Variants in SLC4A5 observed in about 807,000 individuals in gnomAD.
SLC4A5 encodes solute carrier family 4 member 5.
In SLC4A5, 96 loss-of-function variants were observed where a neutral mutation model predicts 120.4. The observed-to-expected ratio is 0.80, with a 90% CI of 0.68 to 0.94. The LOEUF (loss-of-function observed/expected upper bound fraction) is 0.94. SLC4A5 is among the 40% of genes least tolerant of loss of function. The probability of loss-of-function intolerance (pLI) is 0.00; values close to 1 mark genes in which losing one functional copy is unlikely to be tolerated. For synonymous variants in SLC4A5, 550 were observed against 571.1 expected, an observed-to-expected ratio of 0.96 and a Z score of 0.53; for missense variants, 1,259 against 1,459.5, an observed-to-expected ratio of 0.86 and a Z score of 2.24.
At chr2:74,245,944 G>T (rs1428887130) in intron 19 of SLC4A5, among the ~76,000 whole-genome samples, 1 of 152,150 alleles carries the variant, frequency 6.6e-6, no homozygotes, top group Non-Finnish European at 1.5e-5. Context: ...CTCTTTTACA[G>T]CCAGGGAAAC....
At chr2:74,307,331 G>A (rs1160117287) in intron 6 of SLC4A5, 3 of 577,034 alleles carry the variant, frequency 5.2e-6, no homozygotes. Context: ...ACCCAGAGCT[G>A]GTAATCTGGG....
intron 7 of SLC4A5, among the ~76,000 whole-genome samples, chr2:74,289,782 C>A (rs1390018048): frequency 6.6e-6 from 1 of 151,974 alleles, no homozygotes; most frequent in Admixed American, 6.6e-5. Context: ...TTCTGAGGGG[C>A]CATACCAATT....
intron 7 of SLC4A5, among the ~76,000 whole-genome samples, chr2:74,291,674 T>C (rs1446261565): frequency 6.6e-6 from 1 of 152,234 alleles, no homozygotes; most frequent in African/African-American, 2.4e-5. Flanking sequence ...TTGCTATGTT[T>C]TGCAAGGCTG....
intron 14 of SLC4A5, 121 bp downstream of exon 14, chr2:74,254,498 G>T: frequency 1.3e-6 from 1 of 748,880 alleles, no homozygotes; most frequent in Non-Finnish European, 2.4e-6. Flanking sequence ...AGCATCCTAT[G>T]TAGTGCCTGG....
At chr2:74,296,421 C>A (rs1672327918) in intron 7 of SLC4A5, among the ~76,000 whole-genome samples, 1 of 151,866 alleles carries the variant, frequency 6.6e-6, no homozygotes, top group African/African-American at 2.4e-5. Flanking sequence ...ATTAAGTAGA[C>A]AAAGGTGAGG....
chr2:74,333,823 C>A (rs1673423113), intron 4 of SLC4A5, among the ~76,000 whole-genome samples: 1 of 152,202 alleles, frequency 6.6e-6, no homozygotes, highest in African/African-American at 2.4e-5. Context: ...CTGGGTTTGA[C>A]ATCTGAAAGG....
intron 8 of SLC4A5, among the ~76,000 whole-genome samples, chr2:74,271,132 C>G (rs1358489467): frequency 2.0e-5 from 3 of 152,170 alleles, no homozygotes; most frequent in African/African-American, 7.2e-5. Flanking sequence ...TTCTAATAAG[C>G]TCCTAGGTGT....
chr2:74,239,244 GAGTCCA>G, intron 21 of SLC4A5, 85 bp downstream of exon 21: 1 of 1,230,732 alleles, frequency 8.1e-7, no homozygotes, highest in Non-Finnish European at 1.2e-6. Context: ...TGCTCGCATG[GAGTCCA>G]TCCTGTCGGT....
rs183512156 is a variant in SLC4A5, at chr2:74,293,620, C to A, written c.272-7718G>T. On this transcript the variant is annotated intron_variant, in intron 7 of 30. Transcript: ENST00000394019. ...AGCTGTGGGAAAGGGCTGTGTACAC[C>A]CAGAGAGGGGGCTGAGAAGGCACTG... 4.6e-5 allele frequency among the ~76,000 whole-genome samples: 7 copies of A among 152,258 alleles called. No homozygotes were observed. In the East Asian group the frequency reaches 7.7e-4, roughly 17 times the overall value.
At chr2:74,220,811 T>C (rs1694615097) in intron 30 of SLC4A5, among the ~76,000 whole-genome samples, 2 of 142,082 alleles carry the variant, frequency 1.4e-5, no homozygotes, top group Non-Finnish European at 3.0e-5. Context: ...CCACCGCGCC[T>C]GGCTTCTGTT....
chr2:74,304,155 C>G (rs1672562796), intron 7 of SLC4A5, among the ~76,000 whole-genome samples: 1 of 152,142 alleles, frequency 6.6e-6, no homozygotes, highest in Non-Finnish European at 1.5e-5. Context: ...GGCCGCATGT[C>G]CATTATTGGT....
rs990551474 is a variant in SLC4A5, at chr2:74,255,585, A to T, written c.1025+190T>A. 2.6e-5 allele frequency among the ~76,000 whole-genome samples: 4 copies of T among 152,136 alleles called. No individual in the cohort carries two copies. The highest frequency in any genetic ancestry group is 4.8e-5 in the African/African-American group (2 of 41,420). On this transcript the variant is annotated intron_variant, in intron 13 of 30. Coordinates refer to ENST00000394019, the Ensembl canonical transcript of SLC4A5. The surrounding 1 kb of genome is among the most constrained non-coding windows in gnomAD (Gnocchi z 4.0). ...TGGGATTACAGGCGTGAGCCACCGC[A>T]CCTGGCCTCTTTTGTTATTATTTTT...
intron 5 of SLC4A5, among the ~76,000 whole-genome samples, chr2:74,321,720 C>T (rs1673103671): frequency 6.6e-6 from 1 of 151,374 alleles, no homozygotes; most frequent in African/African-American, 2.4e-5. Flanking sequence ...ACAACCATTC[C>T]CTCTTCTGCT....
At chr2:74,235,155 G>A (rs369488308) in exon 22 of SLC4A5, 60 of 1,614,026 alleles carry the variant, frequency 3.7e-5, no homozygotes, top group Non-Finnish European at 4.8e-5. Flanking sequence ...AACAGGCATC[G>A]ATTCCACAGA....
chr2:74,336,748 A>G (rs1299284452), intron 3 of SLC4A5, among the ~76,000 whole-genome samples: 2 of 152,172 alleles, frequency 1.3e-5, no homozygotes, highest in Admixed American at 1.3e-4. Context: ...AATAGTTAAA[A>G]CAGGAAGCAC....
At chr2:74,241,456 G>A (rs1336480729) in intron 20 of SLC4A5, among the ~76,000 whole-genome samples, 1 of 151,546 alleles carries the variant, frequency 6.6e-6, no homozygotes, top group Non-Finnish European at 1.5e-5. Flanking sequence ...ATACACATGA[G>A]GGGGCCAGGC....
chr2:74,311,555 C>T (rs1672805705), intron 6 of SLC4A5, among the ~76,000 whole-genome samples: 1 of 152,116 alleles, frequency 6.6e-6, no homozygotes, highest in Admixed American at 6.5e-5. Context: ...TCTTCTTTGA[C>T]TACTCATATA....
At chr2:74,340,963 T>G (rs775198723) in intron 2 of SLC4A5, among the ~76,000 whole-genome samples, 3 of 152,182 alleles carry the variant, frequency 2.0e-5, no homozygotes, top group Non-Finnish European at 4.4e-5. Context: ...ACCTTGTGAC[T>G]TGCCTAAATT....
chr2:74,296,307 G>T (rs918868253), intron 7 of SLC4A5, among the ~76,000 whole-genome samples: 2 of 152,016 alleles, frequency 1.3e-5, no homozygotes, highest in African/African-American at 4.8e-5. Flanking sequence ...CCAGGGTTGG[G>T]GGGAGCATAA....
Sources: gnomAD v4.1 joint callset for allele counts (sites outside exome capture counted in the v4.1 genomes callset) on GRCh38, gnomAD v4.1.1 for gene constraint, Gnocchi (gnomAD v3.1) non-coding constraint, MANE v1.5 for transcripts, NCBI Gene and HGNC (gene_info 2026-07-23, HGNC 2026-07-21) for gene names.